Variants in ISY1 observed in about 807,000 individuals in gnomAD.
The protein encoded by ISY1 is ISY1 spliceosome associated protein.
ISY1 carries 12 observed loss-of-function variants against 54.4 expected under a neutral mutation model. The ratio of observed to expected loss-of-function variants is 0.22; its 90% CI spans 0.14 to 0.36. The LOEUF (loss-of-function observed/expected upper bound fraction) is 0.36, where lower values mean the gene tolerates loss of function less well. Ranked by LOEUF, ISY1 falls within the 10% of genes least tolerant of loss-of-function variation. The pLI is 1.00. For synonymous variants in ISY1, 96 were observed against 117.9 expected, an observed-to-expected ratio of 0.81 and a Z score of 1.20; for missense variants, 282 against 342.2, an observed-to-expected ratio of 0.82 and a Z score of 1.39.
intron 1 of ISY1, among the ~76,000 whole-genome samples, chr3:129,159,774 G>A (rs1415894829): frequency 6.6e-6 from 1 of 152,188 alleles, no homozygotes; most frequent in African/African-American, 2.4e-5. Context: ...GTGAGAAGTA[G>A]TCTCTCTATC....
Position 129,161,000 on chromosome 3 carries a change from G to A in ISY1, c.-25C>T. The A allele has an allele frequency of 6.6e-7, 1 of 1,519,380 alleles. No individual in the cohort carries two copies. The highest frequency in any genetic ancestry group is 2.6e-5 in the East Asian group (1 of 38,634). The allele number at this position is 1,519,380 out of a possible 1,614,324, so 94.1% of individuals were successfully genotyped here. ...TGGTGTCGCTAAGGGCGCCGTCCTGGAGCCCCGCGGCCCCTGTCCAAGAAA... is the reference window on the plus strand; with the variant it reads ...TGGTGTCGCTAAGGGCGCCGTCCTGAAGCCCCGCGGCCCCTGTCCAAGAAA... On this transcript the variant is annotated 5_prime_UTR_variant, in exon 1 of 11. Coordinates refer to ENST00000393295, the MANE Select transcript of ISY1 (RefSeq NM_020701.4).
intron 2 of ISY1, among the ~76,000 whole-genome samples, 190 bp from the exon 3 acceptor site, chr3:129,158,749 A>T (rs1937217496): frequency 6.6e-6 from 1 of 152,186 alleles, no homozygotes; most frequent in South Asian, 2.1e-4. Flanking sequence ...ATTATGAGGC[A>T]ATTTGTATTC....
chr3:129,156,819 T>C (rs943707611), intron 4 of ISY1, 36 bp downstream of exon 4: 1 of 1,602,946 alleles, frequency 6.2e-7, no homozygotes, highest in Non-Finnish European at 8.5e-7. Context: ...GAGAGACTTG[T>C]TACTTCTACT....
intron 5 of ISY1, among the ~76,000 whole-genome samples, chr3:129,149,501 C>A (rs1576885844): frequency 7.5e-6 from 1 of 133,352 alleles, no homozygotes; most frequent in East Asian, 2.2e-4. Context: ...GTAGTCCCAG[C>A]ACTTTGGGAG....
At chr3:129,152,594 C>T (rs925935901) in intron 5 of ISY1, among the ~76,000 whole-genome samples, 3 of 151,784 alleles carry the variant, frequency 2.0e-5, no homozygotes, top group African/African-American at 7.3e-5. Flanking sequence ...TTAGTAGAGA[C>T]GGGGTTTCAC....
At chr3:129,138,280 C>CA (rs1040471045) in intron 7 of ISY1, among the ~76,000 whole-genome samples, 8 of 118,350 alleles carry the variant, frequency 6.8e-5, no homozygotes, top group East Asian at 2.7e-4. Context: ...AACTCCATCT[C>CA]AAAAAAAAAA....
intron 9 of ISY1, among the ~76,000 whole-genome samples, chr3:129,132,870 A>G (rs904265903): frequency 4.6e-5 from 7 of 152,240 alleles, no homozygotes; most frequent in Non-Finnish European, 7.3e-5. Context: ...CCAGCTGGAC[A>G]TGAGCAGGAA....
intron 5 of ISY1, among the ~76,000 whole-genome samples, chr3:129,149,130 C>T (rs1227454552): frequency 6.6e-6 from 1 of 151,898 alleles, no homozygotes; most frequent in Non-Finnish European, 1.5e-5. Context: ...TTACCAAAAA[C>T]TTAAAAATTA....
In ISY1 at chr3:129,149,634, T is replaced by C. The variant is rs867258467; in HGVS notation, c.188-3761A>G. Among the ~76,000 whole-genome samples, 50 of 81,284 alleles carry C rather than the reference T, an allele frequency of 6.2e-4. 1 individual carries two copies. The highest frequency in any genetic ancestry group is 7.8e-3 in the Middle Eastern group (1 of 128). The allele number at this position is 81,284 out of a possible 152,430, so 53.3% of individuals were successfully genotyped here. A position where few individuals can be genotyped will look rare whatever the true frequency, so the allele number is the denominator to read the frequency against. Reference sequence around the variant, plus strand: ...AAATATATATATATATATATATATATATACACAAAAAAAATCAGCTATGCA... The same window carrying C: ...AAATATATATATATATATATATATACATACACAAAAAAAATCAGCTATGCA... On this transcript the variant is annotated intron_variant, in intron 5 of 10. Coordinates refer to ENST00000393295, the MANE Select transcript of ISY1 (RefSeq NM_020701.4).
chr3:129,154,165 C>T (rs1310023783), intron 5 of ISY1, among the ~76,000 whole-genome samples: 3 of 151,490 alleles, frequency 2.0e-5, no homozygotes, highest in Non-Finnish European at 2.9e-5. Context: ...TGGCGTGAAC[C>T]CCGGGGGGCG....
intron 7 of ISY1, among the ~76,000 whole-genome samples, chr3:129,138,848 C>A (rs1462528683): frequency 6.6e-6 from 1 of 150,914 alleles, no homozygotes; most frequent in African/African-American, 2.5e-5. Context: ...AAGAAAGAAA[C>A]TGGAGGGAAC....
chr3:129,131,320 G>A (rs1398768093), intron 9 of ISY1, among the ~76,000 whole-genome samples: 3 of 152,158 alleles, frequency 2.0e-5, no homozygotes, highest in Non-Finnish European at 2.9e-5. Context: ...AACACTGCAC[G>A]GGAACAAGAA....
At chr3:129,151,756 C>T (rs970160567) in intron 5 of ISY1, among the ~76,000 whole-genome samples, 3 of 152,124 alleles carry the variant, frequency 2.0e-5, no homozygotes, top group African/African-American at 4.8e-5. Context: ...TCCAGCATCA[C>T]GCTGAATATA....
rs1937163105 is a variant in ISY1, at chr3:129,157,035, T to G, written c.79-115A>C. The G allele has an allele frequency of 5.2e-6, 6 of 1,163,284 alleles. No homozygotes were observed. The East Asian group carries it at 1.3e-4, about 25-fold the overall frequency. 72.1% of individuals were successfully genotyped at this position (1,163,284 alleles called of 1,614,324 possible). On this transcript the variant is annotated intron_variant, in intron 3 of 10. Coordinates refer to ENST00000393295, the MANE Select transcript of ISY1 (RefSeq NM_020701.4). Reference sequence around the variant, plus strand: ...TCTAATGGCCTAAAAACATTTGAAGTTTTCATTCCAGATGATCCTCATCAA... The same window carrying G: ...TCTAATGGCCTAAAAACATTTGAAGGTTTCATTCCAGATGATCCTCATCAA...
Position 129,130,033 on chromosome 3 carries a change from G to T in ISY1, c.*48C>A. On this transcript the variant is annotated 3_prime_UTR_variant, in exon 11 of 11. Transcript: ENST00000393295. ...CTGTGTCTGCAGCCCTGGGTCCTGA[G>T]GTACCACTGGGGGATGGAAGAACTC... is the stretch of plus-strand genomic sequence containing the variant. 1 of 1,444,254 alleles carries T rather than the reference G, an allele frequency of 6.9e-7. No homozygotes were observed. The highest frequency in any genetic ancestry group is 9.4e-7 in the Non-Finnish European group (1 of 1,069,308). 89.5% of individuals were successfully genotyped at this position (1,444,254 alleles called of 1,614,324 possible). A position where few individuals can be genotyped will look rare whatever the true frequency, so the allele number is the denominator to read the frequency against.
intron 6 of ISY1, among the ~76,000 whole-genome samples, chr3:129,142,163 C>T (rs990545781): frequency 4.0e-5 from 6 of 148,288 alleles, no homozygotes; most frequent in African/African-American, 5.0e-5. Context: ...TGAGATCGCA[C>T]GCCACTGCAC....
chr3:129,139,647 CT>C (rs1444592822), intron 7 of ISY1, among the ~76,000 whole-genome samples: 179 of 145,136 alleles, frequency 1.2e-3, no homozygotes, highest in Admixed American at 1.1e-3. Flanking sequence ...CACTTTTCTC[CT>C]TTTTTTTTTT....
In ISY1 at chr3:129,140,465, C is replaced by T; in HGVS notation, c.321G>A (p.Leu107=). The change falls in exon 7 of 11, where the codon CTG becomes CTA. Residue 107 remains leucine (L), a synonymous_variant. Coordinates refer to ENST00000393295, the MANE Select transcript of ISY1 (RefSeq NM_020701.4). ...PDYGKVGPKM[L]DHEGKEVPGN... ...CTGGGACTTCTTTTCCTTCATGATC[C>T]AGCATTTTAGGGCCAACTTTCTTAT... is the stretch of plus-strand genomic sequence containing the variant. The T allele has an allele frequency of 6.2e-7, 1 of 1,610,042 alleles. No individual in the cohort carries two copies. The highest frequency in any genetic ancestry group is 2.2e-5 in the East Asian group (1 of 44,828).
Position 129,159,135 on chromosome 3 carries a change from A to C in ISY1, c.26+19T>G. On this transcript the variant is annotated intron_variant, in intron 2 of 10. Transcript: ENST00000393295. The stretch of plus-strand genomic sequence containing the variant: ...TTAAGTTACAAAAAATTTACAGCCA[A>C]AAACAAGTTGATACTTACATGGCCT... 6.2e-7 allele frequency: 1 copy of C among 1,604,822 alleles called. No homozygotes were observed. Among genetic ancestry groups the C allele is most frequent in the Non-Finnish European group, 8.5e-7 (1 of 1,178,124 alleles).
Sources: allele counts gnomAD v4.1 joint callset (sites outside exome capture counted in the v4.1 genomes callset), GRCh38; gene constraint gnomAD v4.1.1; transcripts MANE v1.5; gene names NCBI Gene and HGNC (gene_info 2026-07-23, HGNC 2026-07-21).